Variants in WDR48 observed in about 807,000 individuals in gnomAD.
WDR48 encodes WD repeat domain 48.
A neutral mutation model predicts 94.0 loss-of-function variants in WDR48; 22 were observed. The ratio of observed to expected loss-of-function variants is 0.23; its 90% CI spans 0.17 to 0.33. The LOEUF (loss-of-function observed/expected upper bound fraction) is 0.33, where lower values mean the gene tolerates loss of function less well. WDR48 is among the 10% of genes least tolerant of loss of function. WDR48 has a pLI of 1.00. For missense variants in WDR48, 541 were observed against 813.8 expected, an observed-to-expected ratio of 0.66 and a Z score of 4.08; for synonymous variants, 278 against 280.5, an observed-to-expected ratio of 0.99 and a Z score of 0.09.
At chr3:39,077,865 A>G in intron 9 of WDR48, 1 of 301,650 alleles carries the variant, frequency 3.3e-6, no homozygotes, top group South Asian at 5.9e-5. Context: ...TAATTTCATC[A>G]TGCCAACTTA....
chr3:39,079,131 A>G (rs185595142), intron 10 of WDR48, among the ~76,000 whole-genome samples: 126 of 152,296 alleles, frequency 8.3e-4, no homozygotes, highest in Middle Eastern at 3.4e-3. Flanking sequence ...GCCAGTAACC[A>G]CTTCATAAAA....
At chr3:39,069,894 A>G in intron 7 of WDR48, 150 bp downstream of exon 7, 1 of 567,436 alleles carries the variant, frequency 1.8e-6, no homozygotes, top group Non-Finnish European at 3.0e-6. Flanking sequence ...TGCACATATA[A>G]GCTACATTTA....
chr3:39,082,288 T>C (rs9637539), intron 11 of WDR48, among the ~76,000 whole-genome samples: 2 of 151,450 alleles, frequency 1.3e-5, no homozygotes, highest in African/African-American at 4.9e-5. Flanking sequence ...CTTTTTTTTT[T>C]CTTTTTTTTT....
At chr3:39,082,605 A>G (rs1157593539) in intron 11 of WDR48, among the ~76,000 whole-genome samples, 1 of 152,132 alleles carries the variant, frequency 6.6e-6, no homozygotes, top group Non-Finnish European at 1.5e-5. Context: ...TAATGAAAGG[A>G]GTATGAGGAA....
At chr3:39,056,187 T>C (rs2032874884) in intron 1 of WDR48, among the ~76,000 whole-genome samples, 1 of 152,218 alleles carries the variant, frequency 6.6e-6, no homozygotes, top group South Asian at 2.1e-4. Context: ...TTATTGAAGA[T>C]ATTGCTTTGA....
chr3:39,079,029 C>CA (rs566314334), intron 10 of WDR48, among the ~76,000 whole-genome samples: 2,321 of 101,114 alleles, frequency 0.023, 57 homozygotes, highest in African/African-American at 0.067. Context: ...GACTCCGTCT[C>CA]AAAAAAAAAA....
intron 2 of WDR48, among the ~76,000 whole-genome samples, chr3:39,064,418 GCA>G (rs1445759103): frequency 6.6e-6 from 1 of 151,978 alleles, no homozygotes; most frequent in Non-Finnish European, 1.5e-5. Context: ...GGGACTACAG[GCA>G]CACGCCACCA....
At chr3:39,065,981 C>A in intron 3 of WDR48, 92 bp downstream of exon 3, 1 of 883,024 alleles carries the variant, frequency 1.1e-6, no homozygotes, top group Non-Finnish European at 1.7e-6. Flanking sequence ...CAGAAAAGTA[C>A]ACACACTTCG....
At chr3:39,089,349 T>G (rs1376222866) in intron 16 of WDR48, 31 bp downstream of exon 16, 1 of 1,595,708 alleles carries the variant, frequency 6.3e-7, no homozygotes, top group Non-Finnish European at 8.6e-7. Flanking sequence ...CTTTGCTCTT[T>G]TATTTTTTTG....
intron 7 of WDR48, among the ~76,000 whole-genome samples, chr3:39,071,840 G>A (rs1044298899): frequency 2.6e-5 from 4 of 151,942 alleles, no homozygotes; most frequent in African/African-American, 9.7e-5. Context: ...GCTTATTTGG[G>A]AAAAAGAGAT....
intron 9 of WDR48, 107 bp downstream of exon 9, chr3:39,077,320 T>C (rs903161866): frequency 1.6e-6 from 2 of 1,245,102 alleles, no homozygotes; most frequent in Non-Finnish European, 2.3e-6. Flanking sequence ...TCTAGCATGC[T>C]TTTGGGCAGG....
chr3:39,055,227 C>T (rs1011773394), intron 1 of WDR48, among the ~76,000 whole-genome samples: 1 of 152,172 alleles, frequency 6.6e-6, no homozygotes, highest in Non-Finnish European at 1.5e-5. Context: ...TGGCTCATGC[C>T]TGTAATCCCA....
chr3:39,063,547 T>G (rs1195289496), intron 2 of WDR48, among the ~76,000 whole-genome samples: 1 of 152,212 alleles, frequency 6.6e-6, no homozygotes, highest in African/African-American at 2.4e-5. Context: ...AAAAAAAGAT[T>G]GAATATTCTT....
chr3:39,071,455 A>G (rs1333471861), intron 7 of WDR48, among the ~76,000 whole-genome samples: 1 of 152,160 alleles, frequency 6.6e-6, no homozygotes, highest in Non-Finnish European at 1.5e-5. Flanking sequence ...GGATCATATC[A>G]TCTCCATGGT....
At chr3:39,052,422 C>T (rs2032492640) in intron 1 of WDR48, 3 of 239,994 alleles carry the variant, frequency 1.3e-5, no homozygotes, top group Admixed American at 1.2e-4. Context: ...AGCGCTCTGC[C>T]CTCGCTGCGT....
intron 14 of WDR48, among the ~76,000 whole-genome samples, chr3:39,087,357 A>G (rs1575432581): frequency 1.3e-5 from 2 of 152,280 alleles, no homozygotes; most frequent in East Asian, 3.9e-4. Context: ...TGGGTCATTT[A>G]CTACTTGATG....
At chr3:39,088,651 C>T (rs1015644030) in intron 15 of WDR48, among the ~76,000 whole-genome samples, 1 of 152,144 alleles carries the variant, frequency 6.6e-6, no homozygotes, top group African/African-American at 2.4e-5. Context: ...CTCCTGGGAA[C>T]TGTTGAGGCT....
At chr3:39,061,010 C>T (rs1474522012) in intron 1 of WDR48, among the ~76,000 whole-genome samples, 2 of 152,112 alleles carry the variant, frequency 1.3e-5, no homozygotes. Context: ...AAATTTCAGT[C>T]TTTAATTCAT....
At chr3:39,091,147 AC>A (rs1476653017) in intron 16 of WDR48, 1 of 153,006 alleles carries the variant, frequency 6.5e-6, no homozygotes, top group African/African-American at 2.4e-5. Flanking sequence ...CTCAGACCTC[AC>A]TGTGATGTCA....
Sources: gnomAD v4.1 joint callset for allele counts (sites outside exome capture counted in the v4.1 genomes callset) on GRCh38, gnomAD v4.1.1 for gene constraint, MANE v1.5 for transcripts, NCBI Gene and HGNC (gene_info 2026-07-23, HGNC 2026-07-21) for gene names.